USP15: variants seen among roughly 807,000 people sequenced by gnomAD.
USP15 encodes the protein ubiquitin specific peptidase 15, also known as ubiquitin carboxyl-terminal hydrolase 15.
A neutral mutation model predicts 127.1 loss-of-function variants in USP15; 18 were observed. That is an observed-to-expected ratio of 0.14 (90% CI 0.10 to 0.21). The LOEUF is 0.21. Ranked by LOEUF, USP15 falls within the 10% of genes least tolerant of loss-of-function variation. USP15 has a pLI of 1.00. For missense variants in USP15, 805 were observed against 1,159.9 expected, an observed-to-expected ratio of 0.69 and a Z score of 4.44; for synonymous variants, 364 against 393.7, an observed-to-expected ratio of 0.92 and a Z score of 0.89.
chr12:62,384,506 C>T (rs1212484838), intron 11 of USP15, among the ~76,000 whole-genome samples: 3 of 151,360 alleles, frequency 2.0e-5, no homozygotes, highest in African/African-American at 7.2e-5. Flanking sequence ...GAAAGAGCAA[C>T]GTGTGTCTTA....
intron 8 of USP15, among the ~76,000 whole-genome samples, chr12:62,359,754 A>G (rs1235263397): frequency 6.6e-6 from 1 of 152,092 alleles, no homozygotes; most frequent in Non-Finnish European, 1.5e-5. Flanking sequence ...TTCCTAGGCA[A>G]GCTGATAAGG....
chr12:62,277,983 CGTTT>C (rs1262684343), intron 1 of USP15, among the ~76,000 whole-genome samples: 1 of 152,114 alleles, frequency 6.6e-6, no homozygotes, highest in Non-Finnish European at 1.5e-5. Context: ...GTTTTTGACT[CGTTT>C]GTTATAACAC....
In USP15 at chr12:62,415,129, G is replaced by A. The variant is rs565672657; in HGVS notation, c.*10754G>A. The A allele has an allele frequency of 1.3e-5, 2 of 152,208 alleles. No homozygotes were observed. The highest frequency in any genetic ancestry group is 2.1e-4 in the South Asian group (1 of 4,818). 9.4% of individuals were successfully genotyped at this position (152,208 alleles called of 1,614,324 possible). A position where few individuals can be genotyped will look rare whatever the true frequency, so the allele number is the denominator to read the frequency against. Reference sequence around the variant, plus strand: ...AATGCCAATGGTGTAGTTCAAGTCCGAGTCCAAAGGGTTGAGAACCAGGAA... The same window carrying A: ...AATGCCAATGGTGTAGTTCAAGTCCAAGTCCAAAGGGTTGAGAACCAGGAA... On this transcript the variant is annotated 3_prime_UTR_variant, in exon 22 of 22. Coordinates refer to ENST00000280377, the MANE Select transcript of USP15 (RefSeq NM_001252078.2).
chr12:62,402,242 A>G (rs1181126818), intron 21 of USP15, among the ~76,000 whole-genome samples: 1 of 151,818 alleles, frequency 6.6e-6, no homozygotes, highest in Non-Finnish European at 1.5e-5. Flanking sequence ...TGAATATGAT[A>G]TATATAGAGA....
intron 8 of USP15, among the ~76,000 whole-genome samples, chr12:62,358,641 G>A (rs964005926): frequency 2.6e-5 from 4 of 152,002 alleles, no homozygotes; most frequent in Non-Finnish European, 4.4e-5. Context: ...GCTTGAACCC[G>A]GGAGGCAGAG....
chr12:62,401,305 A>G (rs762416554), intron 21 of USP15, 30 bp downstream of exon 21: 159 of 1,550,018 alleles, frequency 1.0e-4, no homozygotes, highest in Non-Finnish European at 1.3e-4. Flanking sequence ...CCTGAGAACT[A>G]TGGGATTCAC....
At chr12:62,319,514 A>G (rs2064925232) in intron 4 of USP15, among the ~76,000 whole-genome samples, 1 of 152,226 alleles carries the variant, frequency 6.6e-6, no homozygotes, top group Non-Finnish European at 1.5e-5. Context: ...GATAGGTCAC[A>G]GAAGTGTATA....
intron 8 of USP15, among the ~76,000 whole-genome samples, chr12:62,370,196 G>T (rs2066618189): frequency 6.6e-6 from 1 of 152,114 alleles, no homozygotes; most frequent in African/African-American, 2.4e-5. Flanking sequence ...CTCCCAAAGT[G>T]CTGGGATTAC....
At chr12:62,280,350 A>G (rs1423789868) in intron 1 of USP15, among the ~76,000 whole-genome samples, 1 of 152,170 alleles carries the variant, frequency 6.6e-6, no homozygotes, top group East Asian at 1.9e-4. Flanking sequence ...ATAGTTGTTA[A>G]CTATGTGTCT....
chr12:62,340,415 C>A (rs980921282), intron 6 of USP15, among the ~76,000 whole-genome samples: 6 of 151,770 alleles, frequency 4.0e-5, no homozygotes, highest in Admixed American at 2.0e-4. Flanking sequence ...TTAGTTGTTT[C>A]TTGTCTTCTG....
At chr12:62,375,828 T>C (rs2066810902) in intron 8 of USP15, among the ~76,000 whole-genome samples, 1 of 152,136 alleles carries the variant, frequency 6.6e-6, no homozygotes, top group East Asian at 1.9e-4. Flanking sequence ...ACAAAGCCAG[T>C]TCAAAACCAC....
At chr12:62,286,360 A>G (rs771828339) in intron 1 of USP15, among the ~76,000 whole-genome samples, 5 of 152,198 alleles carry the variant, frequency 3.3e-5, no homozygotes, top group Admixed American at 6.5e-5. Context: ...AATGGCTATT[A>G]TTAAAAAGTT....
intron 1 of USP15, among the ~76,000 whole-genome samples, chr12:62,275,307 C>T (rs1186948523): frequency 6.7e-6 from 1 of 149,846 alleles, no homozygotes; most frequent in Non-Finnish European, 1.5e-5. Context: ...AGAATATAAA[C>T]AGTGAAAGAA....
intron 21 of USP15, among the ~76,000 whole-genome samples, chr12:62,401,711 T>G (rs2067694743): frequency 1.3e-5 from 2 of 151,750 alleles, no homozygotes; most frequent in Non-Finnish European, 2.9e-5. Context: ...AATGACATAA[T>G]TAGATAAAAC....
At chr12:62,338,859 T>G (rs1401929208) in intron 6 of USP15, among the ~76,000 whole-genome samples, 2 of 152,160 alleles carry the variant, frequency 1.3e-5, no homozygotes, top group East Asian at 3.8e-4. Context: ...ACCATGCTGT[T>G]TTGGTTACTA....
In USP15 at chr12:62,380,553, A is replaced by T. The variant is rs571826084; in HGVS notation, c.916-937A>T. 4.6e-5 allele frequency among the ~76,000 whole-genome samples: 7 copies of T among 152,150 alleles called. No homozygotes were observed. In the South Asian group the frequency reaches 1.0e-3, roughly 23 times the overall value. On this transcript the variant is annotated intron_variant, in intron 8 of 21. Transcript: ENST00000280377. Reference sequence around the variant, plus strand: ...CAGGCTCTCATAAGAGTGAGTTTCTACTATTTTCCATGCAAGCAACTAGCT... The same window carrying T: ...CAGGCTCTCATAAGAGTGAGTTTCTTCTATTTTCCATGCAAGCAACTAGCT...
intron 4 of USP15, among the ~76,000 whole-genome samples, chr12:62,317,272 T>C (rs762676314): frequency 1.2e-4 from 18 of 152,184 alleles, no homozygotes; most frequent in Non-Finnish European, 2.4e-4. Flanking sequence ...TTAACAGTTG[T>C]TGAATATTTA....
chr12:62,336,287 A>T, intron 6 of USP15: 1 of 985,248 alleles, frequency 1.0e-6, no homozygotes, highest in Non-Finnish European at 1.2e-6. Flanking sequence ...TTCATGTAGG[A>T]CTCACCACCT....
intron 2 of USP15, among the ~76,000 whole-genome samples, chr12:62,301,035 C>T (rs2064301939): frequency 2.0e-5 from 3 of 151,968 alleles, no homozygotes; most frequent in Admixed American, 1.3e-4. Context: ...TTGAAGAAAA[C>T]GTAAAGCCCA....
Sources: allele counts gnomAD v4.1 joint callset (sites outside exome capture counted in the v4.1 genomes callset), GRCh38; gene constraint gnomAD v4.1.1; transcripts MANE v1.5; gene names NCBI Gene and HGNC (gene_info 2026-07-23, HGNC 2026-07-21).